The following DLL3 variants were observed in gnomAD, a reference collection of about 807,000 sequenced individuals.
DLL3 encodes the protein delta-like protein 3.
In DLL3, 49 loss-of-function variants were observed where a neutral mutation model predicts 55.0. The observed-to-expected ratio is 0.89, with a 90% CI of 0.71 to 1.13. DLL3 has a LOEUF of 1.13. Among genes scored for constraint, DLL3 ranks in the 50% most tolerant of loss-of-function variants. The pLI is 0.00. For missense variants in DLL3, 962 were observed against 875.5 expected (o/e 1.10, Z -1.25); for synonymous variants, 421 against 385.2 (o/e 1.09, Z -1.09).
In DLL3 at chr19:39,500,188, G is replaced by A. The variant is rs2079601301; in HGVS notation, c.352-427G>A. Among the ~76,000 whole-genome samples the A allele has an allele frequency of 2.0e-5, 3 of 151,886 alleles. No individual in the cohort carries two copies. In the East Asian group the frequency reaches 5.8e-4, roughly 29 times the overall value. ...TCACACTGTAATTCCAGCACTTTGG[G>A]AGGTCTAGGCAGGAGGATCTCCTGA... is the stretch of plus-strand genomic sequence containing the variant. On this transcript the variant is annotated intron_variant, in intron 2 of 8. Transcript: ENST00000356433.
chr19:39,499,597 C>T (rs2079598121), intron 2 of DLL3, 124 bp downstream of exon 2: 2 of 1,277,208 alleles, frequency 1.6e-6, no homozygotes. Flanking sequence ...GACGAAATTC[C>T]CAGACCAGTA....
chr19:39,503,201 C>A (rs1228919348), intron 4 of DLL3, 144 bp downstream of exon 4: 1 of 903,836 alleles, frequency 1.1e-6, no homozygotes, highest in Non-Finnish European at 1.5e-6. Flanking sequence ...CCCCAGGCAC[C>A]CCTCTTCAGG....
chr19:39,499,430 T>G lies in DLL3; in HGVS notation c.308T>G (p.Leu103Arg), dbSNP rs1484272076. 6.3e-7 allele frequency: 1 copy of G among 1,591,184 alleles called. No homozygotes were observed. Among genetic ancestry groups the G allele is most frequent in the Admixed American group, 1.7e-5 (1 of 59,178 alleles). The part of the protein sequence containing the change: ...QPGAPAPDLP[L>R]PDGLLQVPFR... ...GGAGCGCCCGCGCCTGATCTCCCAC[T>G]GCCCGACGGCCTCTTGCAGGTGCCC... Residue 103 changes from leucine to arginine, a missense_variant, in exon 2 of 9, where the codon CTG (leucine) becomes CGG (arginine). Physicochemically the swap from Leu to Arg is moderately radical, Grantham distance 102. Transcript: ENST00000356433.
chr19:39,499,488 CG>C lies in DLL3; in HGVS notation c.351+20del. ...ACGCCTGGCCTGTAAGTGCTGCCCC[CG>C]GGGGACTCCCGGTGCTGGAGGCCTA... On this transcript the variant is annotated intron_variant, in intron 2 of 8. Coordinates refer to ENST00000356433, the MANE Select transcript of DLL3 (RefSeq NM_203486.3). 3 of 1,581,248 alleles carry C rather than the reference CG, an allele frequency of 1.9e-6. No individual in the cohort carries two copies. In the South Asian group the frequency reaches 3.4e-5, roughly 18 times the overall value.
At position 39,505,424 on chromosome 19, in the gene DLL3, C is replaced by T. The variant is rs146274789; in HGVS notation, c.1066C>T (p.Arg356Trp). ...CTCCAACTGTGAGAAGAGGGTGGAC[C>T]GGTGCAGCCTGCAGCCATGCCGCAA... ...QGSNCEKRVD[R>W]CSLQPCRNGG... is the part of the protein sequence containing the mutation. Residue 356 changes from arginine (R) to tryptophan (W), a missense_variant, in exon 6 of 9, where the codon CGG becomes TGG. Arg to Trp is a moderately radical substitution (Grantham distance 101). Coordinates refer to ENST00000356433, the MANE Select transcript of DLL3 (RefSeq NM_203486.3). The T allele has an allele frequency of 3.3e-4, 526 of 1,613,854 alleles. No individual in the cohort carries two copies. Among genetic ancestry groups the T allele is most frequent in the Middle Eastern group, 1.3e-3 (8 of 6,084 alleles).
chr19:39,501,158 C>T (rs1311558879), intron 3 of DLL3, among the ~76,000 whole-genome samples: 1 of 152,142 alleles, frequency 6.6e-6, no homozygotes, highest in Non-Finnish European at 1.5e-5. Context: ...CACCACCACA[C>T]CTGGCTACTT....
intron 1 of DLL3, 24 bp downstream of exon 1, chr19:39,499,067 G>T (rs1335684449): frequency 6.2e-7 from 1 of 1,613,972 alleles, no homozygotes; most frequent in Non-Finnish European, 8.5e-7. Flanking sequence ...GGGAGGTGGC[G>T]TGGAAAGGGA....
chr19:39,504,068 T>C lies in DLL3; in HGVS notation c.653-3T>C. 1.9e-6 allele frequency: 3 copies of C among 1,613,298 alleles called. No homozygotes were observed. The highest frequency in any genetic ancestry group is 1.3e-5 in the African/African-American group (1 of 75,026). Reference sequence around the variant, plus strand: ...TTTCTCTCTGCCTCTCTGTCCCCCATAGTGGTGTGCCGAGCAGGCTGCAGC... The same window carrying C: ...TTTCTCTCTGCCTCTCTGTCCCCCACAGTGGTGTGCCGAGCAGGCTGCAGC... On this transcript the variant is annotated splice_region_variant and splice_polypyrimidine_tract_variant and intron_variant, in intron 4 of 8. Coordinates refer to ENST00000356433, the MANE Select transcript of DLL3 (RefSeq NM_203486.3).
intron 6 of DLL3, among the ~76,000 whole-genome samples, chr19:39,506,667 G>A (rs1190849723): frequency 1.3e-5 from 2 of 152,030 alleles, no homozygotes; most frequent in African/African-American, 4.8e-5. Flanking sequence ...TGAGGGGTGG[G>A]CTAGGGAAGA....
intron 8 of DLL3, 85 bp from the exon 9 acceptor site, chr19:39,508,167 G>A: frequency 3.1e-6 from 5 of 1,614,136 alleles, no homozygotes; most frequent in Non-Finnish European, 4.2e-6. Flanking sequence ...CTCCGCCAGA[G>A]CTTTTCCACT....
intron 1 of DLL3, 43 bp downstream of exon 1, chr19:39,499,086 G>A: frequency 6.2e-7 from 1 of 1,613,910 alleles, no homozygotes; most frequent in South Asian, 1.1e-5. Flanking sequence ...GATGAATGCG[G>A]AGGGGAGGGG....
chr19:39,508,062 T>TA (rs1198329999), intron 8 of DLL3, 148 bp downstream of exon 8: 19 of 1,601,682 alleles, frequency 1.2e-5, no homozygotes, highest in Non-Finnish European at 1.6e-5. Context: ...AGTTCTAACT[T>TA]ACTTTCATCC....
In DLL3 at chr19:39,505,342, C is replaced by T. The variant is rs138378695; in HGVS notation, c.984C>T (p.Val328=). Residue 328 remains valine (V), a synonymous_variant, in exon 6 of 9, where the codon GTC becomes GTT. Coordinates refer to ENST00000356433, the MANE Select transcript of DLL3 (RefSeq NM_203486.3). ...DGPCFNGGLC[V]GGADPDSAYI... ...CCTGCTTCAACGGCGGCTTGTGTGT[C>T]GGGGGTGCAGACCCTGACTCTGCCT... 98 of 1,614,030 alleles carry T rather than the reference C, an allele frequency of 6.1e-5. No homozygotes were observed. Among genetic ancestry groups the T allele is most frequent in the Middle Eastern group, 1.6e-4 (1 of 6,084 alleles).
Position 39,507,494 on chromosome 19 carries a change from C to T in DLL3, c.1549C>T (p.Arg517Cys), listed in dbSNP as rs1474346310. ...TGCGCTCTTGCTGGTCCACGTGCGC[C>T]GCCGTGGCCACTCCCAGGATGCTGG... Reference protein sequence around the residue: ...GAALLLVHVRRRGHSQDAGSR... With the variant: ...GAALLLVHVRCRGHSQDAGSR... Residue 517 changes from arginine (R) to cysteine (C), a missense_variant, in exon 7 of 9, where the codon CGC becomes TGC. Arg to Cys is a radical substitution (Grantham distance 180). Coordinates refer to ENST00000356433, the MANE Select transcript of DLL3 (RefSeq NM_203486.3). The T allele has an allele frequency of 1.3e-6, 2 of 1,595,210 alleles. No homozygotes were observed. Among genetic ancestry groups the T allele is most frequent in the East Asian group, 2.3e-5 (1 of 43,684 alleles).
intron 8 of DLL3, 81 bp downstream of exon 8, chr19:39,507,995 G>C (rs777658037): frequency 6.2e-7 from 1 of 1,613,530 alleles, no homozygotes; most frequent in Admixed American, 1.7e-5. Flanking sequence ...ACCCTTCCTC[G>C]ATTCTGTCCG....
rs1212612517 is a variant in DLL3 at position 39,507,282 on chromosome 19, C to T, written c.1337C>T (p.Ala446Val). Residue 446 changes from alanine (A) to valine (V), a missense_variant, in exon 7 of 9, where the codon GCC becomes GTC. Coordinates refer to ENST00000356433, the MANE Select transcript of DLL3 (RefSeq NM_203486.3). Reference sequence around the variant, plus strand: ...TGTGCTCACGGCGGCCGCTGCTACGCCCACTTCTCCGGCCTCGTCTGCGCT... The same window carrying T: ...TGTGCTCACGGCGGCCGCTGCTACGTCCACTTCTCCGGCCTCGTCTGCGCT... Reference protein sequence around the residue: ...RPCAHGGRCYAHFSGLVCACA... With the variant: ...RPCAHGGRCYVHFSGLVCACA... 4 of 1,540,998 alleles carry T rather than the reference C, an allele frequency of 2.6e-6. No homozygotes were observed. Among genetic ancestry groups the T allele is most frequent in the Admixed American group, 1.9e-5 (1 of 51,896 alleles).
At chr19:39,507,658 G>T in intron 7 of DLL3, 40 bp downstream of exon 7, 1 of 1,590,816 alleles carries the variant, frequency 6.3e-7, no homozygotes, top group South Asian at 1.1e-5. Flanking sequence ...TGCGCTGCTG[G>T]CTGCTTTTAC....
chr19:39,501,293 G>A (rs7247479), intron 3 of DLL3, among the ~76,000 whole-genome samples: 42,770 of 151,608 alleles, frequency 0.28, 6,460 homozygotes, highest in Middle Eastern at 0.41. Context: ...GAGCCACCAC[G>A]CTCGGCCCCT....
chr19:39,504,049 T>TCTG (rs765945227), intron 4 of DLL3, 22 bp from the exon 5 acceptor site: 7 of 1,612,248 alleles, frequency 4.3e-6, no homozygotes, highest in African/African-American at 1.3e-5. Flanking sequence ...TCCCTTTCTC[T>TCTG]CTGCCTCTCT....
Sources: allele counts gnomAD v4.1 joint callset (sites outside exome capture counted in the v4.1 genomes callset), GRCh38; gene constraint gnomAD v4.1.1; transcripts MANE v1.5; gene names NCBI Gene and HGNC (gene_info 2026-07-23, HGNC 2026-07-21).